The following AEBP2 variants were observed in gnomAD, a reference collection of about 807,000 sequenced individuals.
AEBP2 encodes AE binding protein 2, also known as zinc finger protein AEBP2.
In AEBP2, 10 loss-of-function variants were observed where a neutral mutation model predicts 50.8. The ratio of observed to expected loss-of-function variants is 0.20; its 90% confidence interval spans 0.12 to 0.33. The LOEUF (loss-of-function observed/expected upper bound fraction) is 0.33, where lower values mean the gene tolerates loss of function less well. AEBP2 is among the 10% of genes least tolerant of loss of function. The pLI is 1.00. For synonymous variants in AEBP2, 296 were observed against 261.3 expected (o/e 1.13, Z -1.28); for missense variants, 570 against 688.0 (o/e 0.83, Z 1.92).
chr12:19,431,900 C>T (rs2095751631), intron 1 of AEBP2, among the ~76,000 whole-genome samples: 2 of 152,116 alleles, frequency 1.3e-5, no homozygotes, highest in African/African-American at 4.8e-5. Context: ...ATAAAGGAGC[C>T]TAAAATAAAA....
At position 19,514,758 on chromosome 12, in the gene AEBP2, C is replaced by T. The variant is rs1390301700; in HGVS notation, c.1455C>T (p.Ala485=). The T allele has an allele frequency of 1.4e-5, 23 of 1,611,298 alleles. No individual in the cohort carries two copies. In the Middle Eastern group the frequency reaches 6.6e-4, roughly 46 times the overall value. ...VHLSKLPKDT[A]LLLDPNIYRT... is the part of the protein sequence containing the mutation. ...TATCAAAGCTACCCAAAGATACTGC[C>T]TTGCTTTTGGACCCAAACATATACA... The change falls in exon 7 of 8, where the codon GCC becomes GCT. Residue 485 remains alanine, a synonymous_variant. Transcript: ENST00000266508.
chr12:19,520,085 C>T lies in AEBP2; in HGVS notation c.*1968C>T, dbSNP rs944305465. ...TAAAATTTGATTTGTTATAAAATTGCCAAATAGAAGTGTTTCAGATACATA... is the reference window on the plus strand; with the variant it reads ...TAAAATTTGATTTGTTATAAAATTGTCAAATAGAAGTGTTTCAGATACATA... On this transcript the variant is annotated 3_prime_UTR_variant, in exon 8 of 8. Transcript: ENST00000266508. 1.3e-5 allele frequency: 2 copies of T among 152,448 alleles called. No homozygotes were observed. Among genetic ancestry groups the T allele is most frequent in the Non-Finnish European group, 2.9e-5 (2 of 67,966 alleles). The allele number at this position is 152,448 out of a possible 1,614,324, so 9.4% of individuals were successfully genotyped here. A position where few individuals can be genotyped will look rare whatever the true frequency, so the allele number is the denominator to read the frequency against.
intron 1 of AEBP2, among the ~76,000 whole-genome samples, chr12:19,427,723 C>G (rs1186847948): frequency 6.6e-6 from 1 of 151,952 alleles, no homozygotes; most frequent in Non-Finnish European, 1.5e-5. Context: ...ACCTAAGAGT[C>G]TGTCATAGTA....
intron 1 of AEBP2, among the ~76,000 whole-genome samples, chr12:19,445,591 G>A (rs1044178750): frequency 1.3e-5 from 2 of 152,118 alleles, no homozygotes; most frequent in African/African-American, 4.8e-5. Context: ...GTGGCAGAGA[G>A]AATCACTGCA....
At chr12:19,506,983 A>C (rs1214524708) in intron 5 of AEBP2, among the ~76,000 whole-genome samples, 1 of 152,068 alleles carries the variant, frequency 6.6e-6, no homozygotes, top group Non-Finnish European at 1.5e-5. Context: ...TCTAATTTGG[A>C]CATATTTAGA....
chr12:19,517,678 T>G (rs1485973331), intron 7 of AEBP2, among the ~76,000 whole-genome samples: 3 of 152,198 alleles, frequency 2.0e-5, no homozygotes. Context: ...CACTGGGGTT[T>G]GTTGTTTTTG....
intron 1 of AEBP2, chr12:19,456,486 A>G: frequency 2.0e-6 from 3 of 1,493,906 alleles, no homozygotes; most frequent in Non-Finnish European, 2.8e-6. Context: ...CTTTTTACCA[A>G]CATGGCGATC....
chr12:19,470,218 C>T (rs539934001), intron 2 of AEBP2, among the ~76,000 whole-genome samples: 6 of 150,588 alleles, frequency 4.0e-5, no homozygotes, highest in African/African-American at 1.2e-4. Context: ...AGTGCAATGG[C>T]GCAATCTCAG....
At chr12:19,424,260 G>A (rs564750655) in intron 1 of AEBP2, among the ~76,000 whole-genome samples, 1 of 152,298 alleles carries the variant, frequency 6.6e-6, no homozygotes, top group South Asian at 2.1e-4. Flanking sequence ...ATGCAACACA[G>A]AAAAGACTTG....
In AEBP2 at chr12:19,457,093, A is replaced by G. The variant is rs73071060; in HGVS notation, c.672-5417A>G. ...TGCTTCTGTGTCGGGGTTGTAGCCAATTTTCTTAATTTAAGTGTTGACTTC... is the reference window on the plus strand; with the variant it reads ...TGCTTCTGTGTCGGGGTTGTAGCCAGTTTTCTTAATTTAAGTGTTGACTTC... On this transcript the variant is annotated intron_variant, in intron 1 of 7. Transcript: ENST00000266508. 3.0e-3 allele frequency: 4,799 copies of G among 1,602,980 alleles called. 14 individuals carry two copies. Among genetic ancestry groups the G allele is most frequent in the Non-Finnish European group, 3.3e-3 (3,906 of 1,179,802 alleles).
chr12:19,514,008 G>T (rs546820936), intron 6 of AEBP2, among the ~76,000 whole-genome samples: 26 of 134,900 alleles, frequency 1.9e-4, no homozygotes, highest in African/African-American at 6.1e-4. Flanking sequence ...TGTTTTTTTG[G>T]TTTTTTTTGG....
Position 19,457,618 on chromosome 12 carries a change from C to T in AEBP2, c.672-4892C>T, listed in dbSNP as rs1456436317. 4 of 1,467,012 alleles carry T rather than the reference C, an allele frequency of 2.7e-6. No homozygotes were observed. In the Admixed American group the frequency reaches 8.9e-5, roughly 33 times the overall value. The allele number at this position is 1,467,012 out of a possible 1,614,324, so 90.9% of individuals were successfully genotyped here. The stretch of plus-strand genomic sequence containing the variant: ...TACGAATCTACGTGTCCAATGACGA[C>T]AATGTGGATATGAGTCTTTTCCTTT... On this transcript the variant is annotated intron_variant, in intron 1 of 7. Transcript: ENST00000266508.
chr12:19,455,807 A>G lies in AEBP2; in HGVS notation c.672-6703A>G, dbSNP rs757640149. ...AAATATCTCAGGTTGCTCCCTAAATATTCCATTGACATCTCTAACAACGTG... is the reference window on the plus strand; with the variant it reads ...AAATATCTCAGGTTGCTCCCTAAATGTTCCATTGACATCTCTAACAACGTG... On this transcript the variant is annotated intron_variant, in intron 1 of 7. Coordinates refer to ENST00000266508, the MANE Select transcript of AEBP2 (RefSeq NM_153207.5). Among the ~76,000 whole-genome samples, 28 of 152,208 alleles carry G rather than the reference A, an allele frequency of 1.8e-4. 1 individual carries two copies. The highest frequency in any genetic ancestry group is 3.4e-4 in the Non-Finnish European group (23 of 68,032).
At chr12:19,441,053 A>T (rs1947950106) in intron 1 of AEBP2, among the ~76,000 whole-genome samples, 1 of 152,228 alleles carries the variant, frequency 6.6e-6, no homozygotes, top group African/African-American at 2.4e-5. Flanking sequence ...TGGCCTTTTA[A>T]GATAACTTTG....
intron 1 of AEBP2, among the ~76,000 whole-genome samples, chr12:19,428,596 G>T (rs2095749801): frequency 6.6e-6 from 1 of 152,216 alleles, no homozygotes; most frequent in Admixed American, 6.5e-5. Flanking sequence ...CGGATCACCT[G>T]ATGTCAGGAG....
intron 2 of AEBP2, among the ~76,000 whole-genome samples, chr12:19,467,764 C>T (rs530132627): frequency 3.2e-4 from 48 of 152,246 alleles, no homozygotes; most frequent in South Asian, 8.3e-4. Context: ...TTAGCTATTT[C>T]TCACATAAAA....
At chr12:19,447,174 C>T (rs962086006) in intron 1 of AEBP2, among the ~76,000 whole-genome samples, 2 of 152,224 alleles carry the variant, frequency 1.3e-5, no homozygotes, top group Admixed American at 1.3e-4. Flanking sequence ...TGAGGCCTTT[C>T]ATGCCAACAC....
chr12:19,405,915 T>G (rs988281478), intron 1 of AEBP2, among the ~76,000 whole-genome samples: 1 of 151,446 alleles, frequency 6.6e-6, no homozygotes, highest in Admixed American at 6.6e-5. Flanking sequence ...GATTCTCCTG[T>G]GTCAGCCTCC....
chr12:19,423,464 A>G (rs952478360), intron 1 of AEBP2, among the ~76,000 whole-genome samples: 6 of 152,050 alleles, frequency 3.9e-5, no homozygotes, highest in Non-Finnish European at 7.4e-5. Flanking sequence ...ACATGAGCAG[A>G]TGAGATGAGT....
Sources: allele counts gnomAD v4.1 joint callset (sites outside exome capture counted in the v4.1 genomes callset), GRCh38; gene constraint gnomAD v4.1.1; transcripts MANE v1.5; gene names NCBI Gene and HGNC (gene_info 2026-07-23, HGNC 2026-07-21).